Variants in KHDRBS2 observed in about 807,000 individuals in gnomAD.
The protein encoded by KHDRBS2 is KH RNA binding domain containing, signal transduction associated 2.
In KHDRBS2, 26 loss-of-function variants were observed where a neutral mutation model predicts 44.3. That is an observed-to-expected ratio of 0.59 (90% CI 0.43 to 0.81). The LOEUF is 0.81. Among genes scored for constraint, KHDRBS2 ranks in the 40% least tolerant of loss-of-function variants. The pLI is 0.00. For synonymous variants in KHDRBS2, 194 were observed against 151.1 expected (o/e 1.28, Z -2.08); for missense variants, 476 against 433.1 (o/e 1.10, Z -0.88).
At chr6:62,066,569 G>T (rs1753025936) in intron 2 of KHDRBS2, among the ~76,000 whole-genome samples, 1 of 151,566 alleles carries the variant, frequency 6.6e-6, no homozygotes. Flanking sequence ...TGTATGTTGT[G>T]CTTACATGTG....
At chr6:61,823,099 G>T (rs775812532) in intron 6 of KHDRBS2, among the ~76,000 whole-genome samples, 1 of 151,934 alleles carries the variant, frequency 6.6e-6, no homozygotes, top group Non-Finnish European at 1.5e-5. Flanking sequence ...GGTGTTGGTT[G>T]CTGGGTTTTA....
chr6:61,923,768 C>T (rs1808477050), intron 4 of KHDRBS2, among the ~76,000 whole-genome samples: 1 of 152,212 alleles, frequency 6.6e-6, no homozygotes, highest in Non-Finnish European at 1.5e-5. Flanking sequence ...AAAGGCAAGT[C>T]TGCTCTCACC....
chr6:61,946,751 T>G (rs992164363), intron 4 of KHDRBS2, among the ~76,000 whole-genome samples: 1 of 152,072 alleles, frequency 6.6e-6, no homozygotes, highest in South Asian at 2.1e-4. Flanking sequence ...CCAATGGAAG[T>G]TAGTCCTAAG....
the KHDRBS2 span, among the ~76,000 whole-genome samples, chr6:61,583,722 A>T: frequency 5.3e-5 from 8 of 151,620 alleles, no homozygotes; most frequent in Non-Finnish European, 1.2e-4. Context: ...ATAAATTTTT[A>T]AATTAGCTTT....
At chr6:62,213,543 A>G (rs1204532767) in intron 1 of KHDRBS2, among the ~76,000 whole-genome samples, 1 of 152,166 alleles carries the variant, frequency 6.6e-6, no homozygotes, top group Non-Finnish European at 1.5e-5. Context: ...AATACTTAGC[A>G]GAATCATGGG....
intron 4 of KHDRBS2, among the ~76,000 whole-genome samples, chr6:61,953,501 AT>A (rs530464203): frequency 2.4e-4 from 36 of 152,000 alleles, no homozygotes; most frequent in African/African-American, 8.2e-4. Context: ...AAATCGCTAT[AT>A]TTTTTTAAAT....
intron 4 of KHDRBS2, among the ~76,000 whole-genome samples, chr6:61,932,123 GT>G (rs2127367804): frequency 6.6e-6 from 1 of 152,236 alleles, no homozygotes; most frequent in South Asian, 2.1e-4. Flanking sequence ...TTGTAGTTAA[GT>G]TTTTGGAGAG....
the KHDRBS2 span, among the ~76,000 whole-genome samples, chr6:61,601,784 C>G: frequency 2.0e-5 from 3 of 152,084 alleles, no homozygotes; most frequent in Non-Finnish European, 4.4e-5. Context: ...TCTTCCTCAA[C>G]TTCTGCTCTC....
At chr6:62,159,708 C>T (rs148640436) in intron 2 of KHDRBS2, among the ~76,000 whole-genome samples, 317 of 152,186 alleles carry the variant, frequency 2.1e-3, no homozygotes, top group African/African-American at 6.8e-3. Flanking sequence ...AGTCAATTAA[C>T]ACATATTTTG....
At chr6:62,159,976 T>A (rs1027672785) in intron 2 of KHDRBS2, among the ~76,000 whole-genome samples, 1 of 152,062 alleles carries the variant, frequency 6.6e-6, no homozygotes, top group African/African-American at 2.4e-5. Context: ...GGCCCAGTAG[T>A]TCCAACTTCT....
chr6:62,147,274 T>C (rs1424679150), intron 2 of KHDRBS2, among the ~76,000 whole-genome samples: 1 of 151,908 alleles, frequency 6.6e-6, no homozygotes, highest in Non-Finnish European at 1.5e-5. Flanking sequence ...TCAGCAAAAG[T>C]CTTTTTTTCT....
chr6:62,261,843 A>G (rs1838399687), intron 1 of KHDRBS2, among the ~76,000 whole-genome samples: 4 of 151,796 alleles, frequency 2.6e-5, no homozygotes. Flanking sequence ...TTGTATAATA[A>G]TTCTGACAAC....
chr6:61,688,238 A>T (rs1227959084), intron 8 of KHDRBS2, among the ~76,000 whole-genome samples: 2 of 151,880 alleles, frequency 1.3e-5, no homozygotes, highest in Non-Finnish European at 2.9e-5. Flanking sequence ...TAAAAAGGAG[A>T]CAAAGAAGCT....
intron 2 of KHDRBS2, among the ~76,000 whole-genome samples, chr6:62,075,765 T>C (rs1216215424): frequency 1.3e-5 from 2 of 151,770 alleles, no homozygotes; most frequent in Admixed American, 6.6e-5. Flanking sequence ...TATGAAAATC[T>C]TAATTAAGGT....
chr6:61,716,121 C>A (rs1771382515), intron 7 of KHDRBS2, among the ~76,000 whole-genome samples: 1 of 151,928 alleles, frequency 6.6e-6, no homozygotes. Context: ...AATGCAACTT[C>A]TCTTTTGCTT....
In KHDRBS2 at chr6:62,184,067, C is replaced by T. The variant is rs557275189; in HGVS notation, c.92-6755G>A. Among the ~76,000 whole-genome samples the T allele has an allele frequency of 2.2e-3, 341 of 151,578 alleles. 1 individual carries two copies. The highest frequency in any genetic ancestry group is 8.0e-3 in the African/African-American group (330 of 41,446). ...TTGCTTTTTGTATTTGAATACAGAA[C>T]CAAACTTTTAATAATTAGTGTTAAT... is the stretch of plus-strand genomic sequence containing the variant. On this transcript the variant is annotated intron_variant, in intron 1 of 8. Transcript: ENST00000281156.
chr6:61,778,064 C>A (rs1417958657), intron 6 of KHDRBS2, among the ~76,000 whole-genome samples: 5 of 151,994 alleles, frequency 3.3e-5, no homozygotes, highest in African/African-American at 1.2e-4. Flanking sequence ...CACTCCTATT[C>A]AACATAGTAT....
intron 4 of KHDRBS2, among the ~76,000 whole-genome samples, chr6:61,921,650 AAT>A (rs1198141105): frequency 6.6e-6 from 1 of 151,994 alleles, no homozygotes; most frequent in Non-Finnish European, 1.5e-5. Context: ...GCTCCAAACC[AAT>A]GAGACAGAAC....
chr6:61,550,191 G>A, the KHDRBS2 span, among the ~76,000 whole-genome samples: 1 of 151,800 alleles, frequency 6.6e-6, no homozygotes, highest in East Asian at 1.9e-4. Context: ...TTCAATCCTC[G>A]CCCTCCTCCC....
Sources: allele counts gnomAD v4.1 joint callset (sites outside exome capture counted in the v4.1 genomes callset), GRCh38; gene constraint gnomAD v4.1.1; transcripts MANE v1.5; gene names NCBI Gene and HGNC (gene_info 2026-07-23, HGNC 2026-07-21).